The following CTNND1 variants were observed in gnomAD, a reference collection of about 807,000 sequenced individuals.
CTNND1 encodes catenin delta 1, also known as catenin delta-1.
In CTNND1, 16 loss-of-function variants were observed where a neutral mutation model predicts 112.1. The observed-to-expected ratio is 0.14, with a 90% confidence interval of 0.10 to 0.22. The LOEUF is 0.22. CTNND1 is among the 10% of genes least tolerant of loss of function. The pLI is 1.00. For missense variants in CTNND1, 1,008 were observed against 1,257.0 expected, an observed-to-expected ratio of 0.80 and a Z score of 3.00; for synonymous variants, 420 against 446.5, an observed-to-expected ratio of 0.94 and a Z score of 0.75.
rs1401339868 is a variant in CTNND1 at position 57,818,153 on chromosome 11, C to T, written c.*1845C>T. ...AAAATTGCCCCATCCAGACCTGGCT[C>T]CACTCTTGATCTCTCTTGTCCTCTT... On this transcript the variant is annotated 3_prime_UTR_variant, in exon 21 of 21. Transcript: ENST00000399050. 1 of 152,282 alleles carries T rather than the reference C, an allele frequency of 6.6e-6. No individual in the cohort carries two copies. Among genetic ancestry groups the T allele is most frequent in the Non-Finnish European group, 1.5e-5 (1 of 68,026 alleles). The allele number at this position is 152,282 out of a possible 1,614,324, so 9.4% of individuals were successfully genotyped here. A position where few individuals can be genotyped will look rare whatever the true frequency, so the allele number is the denominator to read the frequency against.
chr11:57,810,557 G>GGAACTTAGCCTTAATCTTGAACTT (rs2063215024), intron 16 of CTNND1, among the ~76,000 whole-genome samples: 2 of 151,790 alleles, frequency 1.3e-5, no homozygotes, highest in Admixed American at 1.3e-4. Flanking sequence ...CTTGAACTCT[G>GGAACTTAGCCTTAATCTTGAACTT]AGCTTAGGCA....
chr11:57,775,628 G>T (rs1954033566), intron 1 of CTNND1, among the ~76,000 whole-genome samples: 1 of 151,924 alleles, frequency 6.6e-6, no homozygotes, highest in South Asian at 2.1e-4. Context: ...AATTTAGCTG[G>T]ACAATTTGTT....
At chr11:57,803,830 G>T (rs753819935) in intron 8 of CTNND1, 26 bp downstream of exon 8, 1 of 1,478,280 alleles carries the variant, frequency 6.8e-7, no homozygotes, top group Non-Finnish European at 9.0e-7. Context: ...TTGAGAATAT[G>T]AAGATGAATT....
chr11:57,810,746 G>A (rs2063241814), intron 16 of CTNND1, among the ~76,000 whole-genome samples: 1 of 151,952 alleles, frequency 6.6e-6, no homozygotes, highest in East Asian at 2.0e-4. Flanking sequence ...CCTGAGCCTA[G>A]GAGTGTGAGA....
intron 1 of CTNND1, among the ~76,000 whole-genome samples, chr11:57,783,605 G>T (rs1339096865): frequency 6.6e-6 from 1 of 151,698 alleles, no homozygotes; most frequent in African/African-American, 2.4e-5. Flanking sequence ...CTTGCAGTGA[G>T]CCGAGATCGC....
At position 57,810,149 on chromosome 11, in the gene CTNND1, T is replaced by C; in HGVS notation, c.2476T>C (p.Leu826=). The change falls in exon 16 of 21, where the codon TTA becomes CTA. Residue 826 remains leucine, a synonymous_variant. Coordinates refer to ENST00000399050, the MANE Select transcript of CTNND1 (RefSeq NM_001085458.2). ...AGAAGTTCGAGCAGCAGCACTTGTATTACAGACAATCTGGGGATATAAGGA... is the reference window on the plus strand; with the variant it reads ...AGAAGTTCGAGCAGCAGCACTTGTACTACAGACAATCTGGGGATATAAGGA... ...EKEVRAAALV[L]QTIWGYKELR... The C allele has an allele frequency of 6.2e-7, 1 of 1,612,932 alleles. No individual in the cohort carries two copies. The highest frequency in any genetic ancestry group is 8.5e-7 in the Non-Finnish European group (1 of 1,179,482).
chr11:57,811,348 T>C, intron 16 of CTNND1, 51 bp from the exon 17 acceptor site: 3 of 1,449,070 alleles, frequency 2.1e-6, no homozygotes, highest in Non-Finnish European at 1.9e-6. Context: ...GAGCATAAGA[T>C]AGGGTGAATT....
rs1009197343 is a variant in CTNND1, at chr11:57,809,480, C to T, written c.2435+14C>T. Reference sequence around the variant, plus strand: ...CAACAAATCAGGGTGAGCTTACCACCTAAAATTACAGTCAAAAGAATTTGA... The same window carrying T: ...CAACAAATCAGGGTGAGCTTACCACTTAAAATTACAGTCAAAAGAATTTGA... On this transcript the variant is annotated intron_variant, in intron 15 of 20. Coordinates refer to ENST00000399050, the MANE Select transcript of CTNND1 (RefSeq NM_001085458.2). The T allele has an allele frequency of 2.5e-6, 4 of 1,594,372 alleles. No individual in the cohort carries two copies. Among genetic ancestry groups the T allele is most frequent in the African/African-American group, 1.3e-5 (1 of 74,576 alleles).
intron 17 of CTNND1, chr11:57,814,028 G>T (rs1411748073): frequency 7.3e-6 from 2 of 273,390 alleles, no homozygotes; most frequent in Non-Finnish European, 1.4e-5. Flanking sequence ...TTAAGAGTCT[G>T]TAGGGGCCAG....
intron 4 of CTNND1, among the ~76,000 whole-genome samples, 170 bp from the exon 5 acceptor site, chr11:57,795,407 C>G (rs2061258358): frequency 6.6e-6 from 1 of 152,110 alleles, no homozygotes; most frequent in Non-Finnish European, 1.5e-5. Flanking sequence ...GTCTACTGTC[C>G]TTTTGTACAA....
chr11:57,794,893 A>C (rs569541331), intron 4 of CTNND1, among the ~76,000 whole-genome samples: 178 of 151,978 alleles, frequency 1.2e-3, no homozygotes, highest in African/African-American at 4.1e-3. Flanking sequence ...CAAAAAAAAA[A>C]AAAAAACAAA....
chr11:57,777,984 A>G (rs527708639), intron 1 of CTNND1, among the ~76,000 whole-genome samples: 14 of 152,282 alleles, frequency 9.2e-5, no homozygotes, highest in African/African-American at 2.9e-4. Flanking sequence ...GAGGACCTTT[A>G]TTAGGAGAGG....
At position 57,815,519 on chromosome 11, in the gene CTNND1, C is replaced by G; in HGVS notation, c.2808+19C>G. 1.3e-6 allele frequency: 2 copies of G among 1,539,400 alleles called. No individual in the cohort carries two copies. Among genetic ancestry groups the G allele is most frequent in the Middle Eastern group, 1.7e-4 (1 of 5,914 alleles). Reference sequence around the variant, plus strand: ...CTTGATGGTAAATTCTCTTTATATACTGCTATCTGTCTAAGGCTAGTTCTA... The same window carrying G: ...CTTGATGGTAAATTCTCTTTATATAGTGCTATCTGTCTAAGGCTAGTTCTA... On this transcript the variant is annotated intron_variant, in intron 19 of 20. Transcript: ENST00000399050.
Position 57,816,975 on chromosome 11 carries a change from C to T in CTNND1, c.*667C>T, listed in dbSNP as rs1218179852. On this transcript the variant is annotated 3_prime_UTR_variant, in exon 21 of 21. Coordinates refer to ENST00000399050, the MANE Select transcript of CTNND1 (RefSeq NM_001085458.2). ...CATCAAGAACCTACAGACTCCATCT[C>T]TTCTGCAAGCCTCATGCCAACCCTG... The T allele has an allele frequency of 6.5e-6, 1 of 153,998 alleles. No individual in the cohort carries two copies. The highest frequency in any genetic ancestry group is 1.4e-5 in the Non-Finnish European group (1 of 69,178). The allele number at this position is 153,998 out of a possible 1,614,324, so 9.5% of individuals were successfully genotyped here.
At chr11:57,798,437 G>A (rs1277106565) in intron 6 of CTNND1, among the ~76,000 whole-genome samples, 1 of 151,982 alleles carries the variant, frequency 6.6e-6, no homozygotes, top group Non-Finnish European at 1.5e-5. Flanking sequence ...TTGAGGACGT[G>A]TATAAGAACT....
At chr11:57,777,424 C>G (rs1256551516) in intron 1 of CTNND1, among the ~76,000 whole-genome samples, 1 of 152,154 alleles carries the variant, frequency 6.6e-6, no homozygotes, top group Admixed American at 6.5e-5. Context: ...TGTGCTCCAC[C>G]ATGCCCGGCA....
intron 14 of CTNND1, 81 bp from the exon 15 acceptor site, chr11:57,809,193 G>A: frequency 2.0e-6 from 2 of 989,290 alleles, no homozygotes; most frequent in South Asian, 3.1e-5. Context: ...CACTTGATAT[G>A]ATTAATGCAG....
At chr11:57,799,825 TAAAG>T (rs2137047143) in intron 6 of CTNND1, among the ~76,000 whole-genome samples, 1 of 152,308 alleles carries the variant, frequency 6.6e-6, no homozygotes, top group South Asian at 2.1e-4. Flanking sequence ...CATCTATTGA[TAAAG>T]AACCACTGTT....
chr11:57,784,802 G>A lies in CTNND1; in HGVS notation c.-213-4235G>A, dbSNP rs555125140. On this transcript the variant is annotated intron_variant, in intron 1 of 20. Coordinates refer to ENST00000399050, the MANE Select transcript of CTNND1 (RefSeq NM_001085458.2). ...ATTACAGGCATGAGCCGTGGTGCCC[G>A]GCCATGACATTGGTTTTGATTTTAT... is the stretch of plus-strand genomic sequence containing the variant. 1.1e-4 allele frequency among the ~76,000 whole-genome samples: 16 copies of A among 152,226 alleles called. No individual in the cohort carries two copies. In the South Asian group the frequency reaches 2.5e-3, roughly 24 times the overall value.
Sources: gnomAD v4.1 joint callset for allele counts (sites outside exome capture counted in the v4.1 genomes callset) on GRCh38, gnomAD v4.1.1 for gene constraint, MANE v1.5 for transcripts, NCBI Gene and HGNC (gene_info 2026-07-23, HGNC 2026-07-21) for gene names.